The following CEMIP variants were observed in gnomAD, a reference collection of about 807,000 sequenced individuals.
CEMIP encodes cell migration inducing hyaluronidase 1, also known as cell migration-inducing and hyaluronan-binding protein.
In CEMIP, 105 loss-of-function variants were observed where a neutral mutation model predicts 156.9. That is an observed-to-expected ratio of 0.67 (90% CI 0.57 to 0.79). The LOEUF (loss-of-function observed/expected upper bound fraction) is 0.79. Ranked by LOEUF, CEMIP falls within the 30% of genes least tolerant of loss-of-function variation. CEMIP has a pLI of 0.00. For synonymous variants in CEMIP, 676 were observed against 668.4 expected, an observed-to-expected ratio of 1.01 and a Z score of -0.17; for missense variants, 1,457 against 1,769.4, an observed-to-expected ratio of 0.82 and a Z score of 3.17.
chr15:80,947,051 G>C lies in CEMIP; in HGVS notation c.3944G>C (p.Gly1315Ala), dbSNP rs753839988. Residue 1315 changes from glycine (G) to alanine (A), a missense_variant, in exon 29 of 30, where the codon GGT becomes GCT. Around this residue, in one of 5 missense-constraint regions of CEMIP, gnomAD observed 798 missense variants for 980.1 expected, o/e 0.81. Transcript: ENST00000394685. ...RVLEKLGADR[G>A]LKLKEQMAFV... is the part of the protein sequence containing the mutation. Reference sequence around the variant, plus strand: ...CTGGAAAAGCTTGGGGCAGACAGGGGTCTCAAGTTGAAAGGTAAGGGTTTG... The same window carrying C: ...CTGGAAAAGCTTGGGGCAGACAGGGCTCTCAAGTTGAAAGGTAAGGGTTTG... 6.2e-7 allele frequency: 1 copy of C among 1,612,866 alleles called. No individual in the cohort carries two copies. The highest frequency in any genetic ancestry group is 8.5e-7 in the Non-Finnish European group (1 of 1,178,814).
In CEMIP at chr15:80,943,115, C is replaced by A; in HGVS notation, c.3857+13C>A. 3 of 1,614,130 alleles carry A rather than the reference C, an allele frequency of 1.9e-6. No homozygotes were observed. The South Asian group carries it at 3.3e-5, about 18-fold the overall frequency. ...CCATCCCTGACAAGTGAGTCTGTAC[C>A]TCTGCTTCTGGAATTGGCTGCTGGC... On this transcript the variant is annotated intron_variant, in intron 28 of 29. Coordinates refer to ENST00000394685, the MANE Select transcript of CEMIP (RefSeq NM_001293298.2).
At chr15:80,898,607 T>C (rs1899329672) in intron 12 of CEMIP, among the ~76,000 whole-genome samples, 2 of 152,170 alleles carry the variant, frequency 1.3e-5, no homozygotes, top group African/African-American at 4.8e-5. Context: ...AGACAGAGCC[T>C]CACTATGTTG....
chr15:80,826,237 G>A (rs989236274), intron 1 of CEMIP, among the ~76,000 whole-genome samples: 3 of 152,178 alleles, frequency 2.0e-5, no homozygotes, highest in Non-Finnish European at 4.4e-5. Flanking sequence ...AAACTCATTT[G>A]CTGTCAAGTT....
chr15:80,931,517 T>C (rs1391246688), intron 21 of CEMIP, among the ~76,000 whole-genome samples: 1 of 152,182 alleles, frequency 6.6e-6, no homozygotes, highest in Non-Finnish European at 1.5e-5. Flanking sequence ...GGGGAAAATG[T>C]TGAAATACAG....
At position 80,933,618 on chromosome 15, in the gene CEMIP, CAGT is replaced by C. The variant is rs147404189; in HGVS notation, c.3009+161_3009+163del. On this transcript the variant is annotated intron_variant, in intron 23 of 29. Transcript: ENST00000394685. The stretch of plus-strand genomic sequence containing the variant: ...TTTCCTTTTATTTTTTCCCCTCACC[CAGT>C]AGGATTTTTACAAAGTTAAAGTCAA... Among the ~76,000 whole-genome samples, 845 of 152,176 alleles carry C rather than the reference CAGT, an allele frequency of 5.6e-3. 3 individuals carry two copies. Among genetic ancestry groups the C allele is most frequent in the African/African-American group, 0.019 (790 of 41,502 alleles).
Position 80,784,506 on chromosome 15 carries a change from G to C in CEMIP, c.-176+4892G>C, listed in dbSNP as rs576611113. On this transcript the variant is annotated intron_variant, in intron 1 of 29. Transcript: ENST00000394685. ...CCCTTGGGACGAGGAAAGTGCAGTG[G>C]CCTGGAGGACAGGCACATTTTTCTG... Among the ~76,000 whole-genome samples the C allele has an allele frequency of 4.8e-4, 73 of 152,262 alleles. 2 individuals carry two copies. The South Asian group carries it at 0.015, about 31-fold the overall frequency.
chr15:80,908,605 A>G (rs1346911045), intron 13 of CEMIP, among the ~76,000 whole-genome samples: 3 of 152,156 alleles, frequency 2.0e-5, no homozygotes, highest in African/African-American at 7.2e-5. Flanking sequence ...GGGCTCATGA[A>G]GATTCCAGAG....
In CEMIP at chr15:80,950,715, A is replaced by G. The variant is rs535660056; in HGVS notation, c.*1791A>G. ...CCCAGTCCCTTTCAGCTGCTGCTTA[A>G]TGCCCTGCTCTCTCCCTGGCCCACC... On this transcript the variant is annotated 3_prime_UTR_variant, in exon 30 of 30. Transcript: ENST00000394685. 6.5e-6 allele frequency: 1 copy of G among 152,844 alleles called. No individual in the cohort carries two copies. Among genetic ancestry groups the G allele is most frequent in the South Asian group, 2.1e-4 (1 of 4,818 alleles). 9.5% of individuals were successfully genotyped at this position (152,844 alleles called of 1,614,324 possible).
chr15:80,903,488 G>A (rs991463021), intron 12 of CEMIP, among the ~76,000 whole-genome samples: 5 of 152,184 alleles, frequency 3.3e-5, no homozygotes, highest in Non-Finnish European at 7.3e-5. Flanking sequence ...AAATAGCAAA[G>A]GCATGTTCAA....
chr15:80,830,742 T>C (rs538311080), intron 1 of CEMIP, among the ~76,000 whole-genome samples: 6 of 152,156 alleles, frequency 3.9e-5, no homozygotes, highest in Non-Finnish European at 8.8e-5. Context: ...GCTTATCTAA[T>C]CATGACCCCA....
chr15:80,858,465 G>A (rs1463989104), intron 1 of CEMIP, among the ~76,000 whole-genome samples: 1 of 151,950 alleles, frequency 6.6e-6, no homozygotes, highest in Non-Finnish European at 1.5e-5. Flanking sequence ...TGTAATCCCA[G>A]CACTTTGGGA....
intron 1 of CEMIP, among the ~76,000 whole-genome samples, chr15:80,844,402 G>A (rs1322551660): frequency 6.6e-6 from 1 of 152,218 alleles, no homozygotes; most frequent in African/African-American, 2.4e-5. Context: ...CCAGGATGAG[G>A]GGGCAGGAGG....
rs971035097 is a variant in CEMIP at position 80,929,120 on chromosome 15, G to A, written c.2558G>A (p.Arg853Lys). 1 of 1,614,218 alleles carries A rather than the reference G, an allele frequency of 6.2e-7. No homozygotes were observed. The stretch of plus-strand genomic sequence containing the variant: ...GTGGGGACGGAAATGATGGACAATA[G>A]GATCTGGGGCCCTGGCGGCTTGGAC... ...GNVGTEMMDNRIWGPGGLDHS... is the reference protein window; with the variant it reads ...GNVGTEMMDNKIWGPGGLDHS... Residue 853 changes from arginine (R) to lysine (K), a missense_variant, in exon 21 of 30, where the codon AGG becomes AAG. This residue lies in a region of CEMIP where 798 missense variants were observed against 980.1 expected (regional missense o/e 0.81). Coordinates refer to ENST00000394685, the MANE Select transcript of CEMIP (RefSeq NM_001293298.2).
At chr15:80,919,992 G>T (rs1166343667) in intron 14 of CEMIP, 102 bp from the exon 15 acceptor site, 1 of 1,063,534 alleles carries the variant, frequency 9.4e-7, no homozygotes, top group African/African-American at 1.6e-5. Flanking sequence ...TTTGCTGAAT[G>T]AATGAATGAG....
At chr15:80,927,734 G>C (rs1030352365) in intron 19 of CEMIP, among the ~76,000 whole-genome samples, 2 of 152,128 alleles carry the variant, frequency 1.3e-5, no homozygotes, top group African/African-American at 2.4e-5. Flanking sequence ...TCCCTTCAAG[G>C]ATTGGAAGAA....
intron 1 of CEMIP, among the ~76,000 whole-genome samples, chr15:80,839,942 G>C (rs1897358897): frequency 6.6e-6 from 1 of 152,222 alleles, no homozygotes; most frequent in African/African-American, 2.4e-5. Context: ...TGAGGACACA[G>C]AACTGTAAAA....
At chr15:80,797,813 T>C (rs1407776686) in intron 1 of CEMIP, among the ~76,000 whole-genome samples, 2 of 152,190 alleles carry the variant, frequency 1.3e-5, no homozygotes, top group Non-Finnish European at 2.9e-5. Context: ...GGGTTCTTTA[T>C]TACCACAGCA....
At chr15:80,900,650 C>CTGTGTATTT (rs1899479040) in intron 12 of CEMIP, among the ~76,000 whole-genome samples, 6 of 84,576 alleles carry the variant, frequency 7.1e-5, no homozygotes, top group African/African-American at 2.7e-4. Flanking sequence ...GTGTGTGTGT[C>CTGTGTATTT]TGTGTGTGTG....
chr15:80,817,640 A>ATAATAT (rs1166779489), intron 1 of CEMIP, among the ~76,000 whole-genome samples: 50 of 145,786 alleles, frequency 3.4e-4, no homozygotes, highest in African/African-American at 1.2e-3. Flanking sequence ...AATAATAATA[A>ATAATAT]TATGTAAGTA....
Sources: gnomAD v4.1 joint callset for allele counts (sites outside exome capture counted in the v4.1 genomes callset) on GRCh38, gnomAD v4.1.1 for gene constraint, gnomAD v4.1.1 regional missense constraint, MANE v1.5 for transcripts, NCBI Gene and HGNC (gene_info 2026-07-23, HGNC 2026-07-21) for gene names.